The following DNHD1 variants were observed in gnomAD, a reference collection of about 807,000 sequenced individuals.
The protein encoded by DNHD1 is dynein heavy chain domain 1.
DNHD1 carries 383 observed loss-of-function variants against 458.1 expected under a neutral mutation model. The ratio of observed to expected loss-of-function variants is 0.84; its 90% CI spans 0.77 to 0.91. The LOEUF is 0.91. Ranked by LOEUF, DNHD1 falls within the 40% of genes least tolerant of loss-of-function variation. The pLI is 0.00. For missense variants in DNHD1, 5,336 were observed against 5,866.1 expected, an observed-to-expected ratio of 0.91 and a Z score of 2.95; for synonymous variants, 2,203 against 2,376.9, an observed-to-expected ratio of 0.93 and a Z score of 2.13.
chr11:6,564,157 A>C (rs1193940284), intron 31 of DNHD1, 33 bp downstream of exon 31: 1 of 1,540,628 alleles, frequency 6.5e-7, no homozygotes, highest in African/African-American at 1.4e-5. Flanking sequence ...TCTCCCCCAA[A>C]GTTCCTTTTA....
In DNHD1 at chr11:6,516,293, C is replaced by CTT. The variant is rs368832969; in HGVS notation, c.1393-3291_1393-3290dup. Among the ~76,000 whole-genome samples the CTT allele has an allele frequency of 6.6e-3, 876 of 133,384 alleles. 7 individuals carry two copies. Among genetic ancestry groups the CTT allele is most frequent in the Middle Eastern group, 0.02 (5 of 250 alleles). The allele number at this position is 133,384 out of a possible 152,430, so 87.5% of individuals were successfully genotyped here. A position where few individuals can be genotyped will look rare whatever the true frequency, so the allele number is the denominator to read the frequency against. On this transcript the variant is annotated intron_variant, in intron 7 of 42. Coordinates refer to ENST00000254579, the MANE Select transcript of DNHD1 (RefSeq NM_144666.3). ...TTGTTTTGTCATAGTACTCTAATCACTTTTTTTTTTTTTTTTTGAGATGGA... is the reference window on the plus strand; with the variant it reads ...TTGTTTTGTCATAGTACTCTAATCACTTTTTTTTTTTTTTTTTTTGAGATGGA...
At chr11:6,559,765 A>G (rs1853546741) in intron 28 of DNHD1, among the ~76,000 whole-genome samples, 1 of 152,238 alleles carries the variant, frequency 6.6e-6, no homozygotes, top group Admixed American at 6.5e-5. Flanking sequence ...GTATTATGGC[A>G]TAGAACCAGA....
intron 7 of DNHD1, among the ~76,000 whole-genome samples, chr11:6,517,672 TTTTTTTTTTTTTTTA>T (rs1852510527): frequency 7.6e-6 from 1 of 131,798 alleles, no homozygotes; most frequent in African/African-American, 3.2e-5. Flanking sequence ...TTTTTTTTTT[TTTTTTTTTTTTTTTA>T]AGGGCACTAA....
intron 7 of DNHD1, among the ~76,000 whole-genome samples, chr11:6,516,382 C>G (rs780576093): frequency 1.3e-5 from 2 of 150,228 alleles, no homozygotes; most frequent in African/African-American, 2.5e-5. Context: ...ACTGCAACCT[C>G]TGCCTCCAGG....
At chr11:6,544,080 C>G in intron 18 of DNHD1, 41 bp from the exon 19 acceptor site, 1 of 1,549,822 alleles carries the variant, frequency 6.5e-7, no homozygotes, top group Non-Finnish European at 8.7e-7. Flanking sequence ...AGCCCCGGCC[C>G]TTGCCTCATC....
At position 6,566,971 on chromosome 11, in the gene DNHD1, G is replaced by A. The variant is rs1250462557; in HGVS notation, c.11462G>A (p.Arg3821Lys). 1.2e-6 allele frequency: 2 copies of A among 1,614,018 alleles called. No individual in the cohort carries two copies. The highest frequency in any genetic ancestry group is 1.7e-6 in the Non-Finnish European group (2 of 1,179,886). The change falls in exon 36 of 43, where the codon AGG (arginine) becomes AAG (lysine). Residue 3821 changes from arginine to lysine, a missense_variant. This residue lies in a region of DNHD1 where 695 missense variants were observed against 804.2 expected (regional missense o/e 0.86). Transcript: ENST00000254579. ...KPAKFLRNIVRAQGKLCQLRA... is the reference protein window; with the variant it reads ...KPAKFLRNIVKAQGKLCQLRA... The stretch of plus-strand genomic sequence containing the variant: ...GCCAAGTTTCTGCGGAACATAGTGA[G>A]GGCCCAAGGAAAGCTATGCCAGCTG...
At chr11:6,509,110 G>T in intron 5 of DNHD1, 27 bp downstream of exon 5, 1 of 1,614,048 alleles carries the variant, frequency 6.2e-7, no homozygotes, top group Non-Finnish European at 8.5e-7. Context: ...ATGTGATTTG[G>T]GGGGAAATGG....
Position 6,558,896 on chromosome 11 carries a change from T to C in DNHD1, c.9212-6T>C, listed in dbSNP as rs1338837660. 4.5e-6 allele frequency: 7 copies of C among 1,551,638 alleles called. No individual in the cohort carries two copies. In the South Asian group the frequency reaches 4.8e-5, roughly 11 times the overall value. ...CAGAGTGAGGCTAAAGCCATGCCCATTGCAGGCTCCTGGAAGTACCCAGAC... is the reference window on the plus strand; with the variant it reads ...CAGAGTGAGGCTAAAGCCATGCCCACTGCAGGCTCCTGGAAGTACCCAGAC... On this transcript the variant is annotated splice_polypyrimidine_tract_variant and splice_region_variant and intron_variant, in intron 26 of 42. Transcript: ENST00000254579.
chr11:6,515,870 C>T (rs1435303821), intron 7 of DNHD1, among the ~76,000 whole-genome samples: 8 of 151,134 alleles, frequency 5.3e-5, no homozygotes, highest in Non-Finnish European at 1.0e-4. Flanking sequence ...CTGCAACCTC[C>T]ACCCCCTTGG....
Position 6,545,145 on chromosome 11 carries a change from T to C in DNHD1, c.4206T>C (p.Gly1402=). The change falls in exon 21 of 43, where the codon GGT becomes GGC. Residue 1402 remains glycine (G), a synonymous_variant. Coordinates refer to ENST00000254579, the MANE Select transcript of DNHD1 (RefSeq NM_144666.3). The surrounding 1 kb of genome is among the most constrained non-coding windows in gnomAD (Gnocchi z 4.9). The stretch of plus-strand genomic sequence containing the variant: ...TGAGCTTCAGGTCTTGCCCAACTGG[T>C]GAGAAAAACACAGATGACTGGGAGT... ...HAVSFRSCPT[G]EKNTDDWESS... is the part of the protein sequence containing the mutation. 6.4e-7 allele frequency: 1 copy of C among 1,550,890 alleles called. No individual in the cohort carries two copies. Among genetic ancestry groups the C allele is most frequent in the South Asian group, 1.2e-5 (1 of 84,012 alleles).
chr11:6,527,874 A>T (rs1206535210), intron 10 of DNHD1, among the ~76,000 whole-genome samples: 1 of 152,240 alleles, frequency 6.6e-6, no homozygotes, highest in Non-Finnish European at 1.5e-5. Context: ...AGAGTTAATG[A>T]GTGGCTAGGT....
intron 28 of DNHD1, among the ~76,000 whole-genome samples, chr11:6,562,707 A>G (rs1853609873): frequency 6.6e-6 from 1 of 152,172 alleles, no homozygotes; most frequent in Non-Finnish European, 1.5e-5. Context: ...ACTAAAATAT[A>G]GAGTAGTGTA....
chr11:6,503,051 G>C (rs545149983), intron 4 of DNHD1, 125 bp downstream of exon 4: 2 of 1,043,190 alleles, frequency 1.9e-6, no homozygotes, highest in African/African-American at 3.3e-5. Context: ...CTCCTCCTCT[G>C]ACTCTAGTGT....
At chr11:6,519,227 C>T (rs1034227994) in intron 7 of DNHD1, among the ~76,000 whole-genome samples, 7 of 152,168 alleles carry the variant, frequency 4.6e-5, no homozygotes, top group African/African-American at 1.7e-4. Flanking sequence ...ATCCAGAGTC[C>T]ATATCCTGAA....
intron 18 of DNHD1, among the ~76,000 whole-genome samples, chr11:6,542,816 T>A (rs12285957): frequency 0.31 from 47,534 of 152,150 alleles, 8,026 homozygotes; most frequent in Non-Finnish European, 0.38. Flanking sequence ...AATGAAAGTA[T>A]ACTATCAGAA....
chr11:6,539,180 A>G lies in DNHD1; in HGVS notation c.3326-39A>G, dbSNP rs766213383. The G allele has an allele frequency of 1.6e-5, 23 of 1,405,492 alleles. 1 individual carries two copies. The South Asian group carries it at 2.8e-4, about 17-fold the overall frequency. The allele number at this position is 1,405,492 out of a possible 1,614,324, so 87.1% of individuals were successfully genotyped here. On this transcript the variant is annotated intron_variant, in intron 16 of 42. Transcript: ENST00000254579. ...TGGGATATGGGTTGGACTCTGCCAC[A>G]TACTGGGTGTTGCTCTGACTTGTTT...
chr11:6,565,750 A>G lies in DNHD1; in HGVS notation c.10812A>G (p.Glu3604=). ...AGAGTAAAACGGACATGAAAGAGGA[A>G]GATGATGAGAGTGAAGAGAGTAATG... ...KRESKTDMKE[E]DDESEESNEA... Residue 3604 remains glutamate (E), a synonymous_variant, in exon 33 of 43, where the codon GAA becomes GAG. Transcript: ENST00000254579. The G allele has an allele frequency of 6.4e-7, 1 of 1,551,246 alleles. No individual in the cohort carries two copies. The highest frequency in any genetic ancestry group is 8.7e-7 in the Non-Finnish European group (1 of 1,146,944).
intron 12 of DNHD1, among the ~76,000 whole-genome samples, chr11:6,530,526 C>T (rs1220147888): frequency 1.3e-5 from 2 of 152,194 alleles, no homozygotes; most frequent in African/African-American, 4.8e-5. Context: ...TCAAGGATGG[C>T]AATAGCCAAT....
intron 16 of DNHD1, 27 bp from the exon 17 acceptor site, chr11:6,539,192 G>C (rs1228774156): frequency 6.8e-7 from 1 of 1,481,048 alleles, no homozygotes; most frequent in Admixed American, 2.0e-5. Context: ...ACTGGGTGTT[G>C]CTCTGACTTG....
Sources: gnomAD v4.1 joint callset for allele counts (sites outside exome capture counted in the v4.1 genomes callset) on GRCh38, gnomAD v4.1.1 for gene constraint, gnomAD v4.1.1 regional missense constraint, Gnocchi (gnomAD v3.1) non-coding constraint, MANE v1.5 for transcripts, NCBI Gene and HGNC (gene_info 2026-07-23, HGNC 2026-07-21) for gene names.